CHCT1: variants seen among roughly 807,000 people sequenced by gnomAD.
CHCT1 encodes the protein CHD1 helical C-terminal domain containing protein 1.
At chr17:60,421,236 C>T in the CHCT1 span, 9 of 473,228 alleles carry the variant, frequency 1.9e-5, no homozygotes, top group East Asian at 3.1e-4. Context: ...AAGGTTTATT[C>T]CTCCCCTTAC....
the CHCT1 span, among the ~76,000 whole-genome samples, chr17:60,430,677 C>A: frequency 6.6e-6 from 1 of 152,198 alleles, no homozygotes; most frequent in African/African-American, 2.4e-5. Flanking sequence ...GATGGGGTTT[C>A]ACCATGTTGG....
At chr17:60,425,562 GA>G in the CHCT1 span, among the ~76,000 whole-genome samples, 12 of 152,192 alleles carry the variant, frequency 7.9e-5, no homozygotes, top group African/African-American at 2.7e-4. Flanking sequence ...AATATGCTGT[GA>G]TTATTATAAA....
the CHCT1 span, chr17:60,421,622 C>G: frequency 2.0e-6 from 2 of 977,876 alleles, no homozygotes. Context: ...TCGCCGGGAC[C>G]CCGCCGTGTG....
At chr17:60,427,927 G>A in the CHCT1 span, among the ~76,000 whole-genome samples, 1 of 151,984 alleles carries the variant, frequency 6.6e-6, no homozygotes, top group East Asian at 1.9e-4. Context: ...ATATCGTCGG[G>A]ATCATACAAT....
the CHCT1 span, chr17:60,429,605 G>A: frequency 4.6e-5 from 73 of 1,578,514 alleles, no homozygotes; most frequent in African/African-American, 4.3e-4. Flanking sequence ...AGGAGTTTGT[G>A]AGTGGTGTCT....
At chr17:60,424,428 G>T in the CHCT1 span, among the ~76,000 whole-genome samples, 1 of 152,142 alleles carries the variant, frequency 6.6e-6, no homozygotes, top group Non-Finnish European at 1.5e-5. Context: ...TGTAACTAGG[G>T]TTAATGATAT....
At chr17:60,424,798 G>T in the CHCT1 span, among the ~76,000 whole-genome samples, 1 of 150,828 alleles carries the variant, frequency 6.6e-6, no homozygotes, top group African/African-American at 2.4e-5. Context: ...GCTTGAACCC[G>T]GGAGGCCAAG....
the CHCT1 span, among the ~76,000 whole-genome samples, chr17:60,430,575 G>A: frequency 5.3e-5 from 8 of 152,302 alleles, no homozygotes; most frequent in African/African-American, 9.6e-5. Context: ...CAGCCTCCCC[G>A]GTTCAAGTGA....
chr17:60,421,740 C>T, the CHCT1 span: 1 of 809,388 alleles, frequency 1.2e-6, no homozygotes. Flanking sequence ...CACCCGGACT[C>T]TGCCCACCGC....
At chr17:60,431,049 A>G in the CHCT1 span, 2 of 625,048 alleles carry the variant, frequency 3.2e-6, no homozygotes, top group Non-Finnish European at 5.6e-6. Flanking sequence ...AAACTAAGTG[A>G]TATAGGTGGG....
At chr17:60,422,489 A>C in the CHCT1 span, 4 of 1,535,534 alleles carry the variant, frequency 2.6e-6, no homozygotes, top group Non-Finnish European at 3.5e-6. Flanking sequence ...TTCTGGAGCC[A>C]AACCGCCCAC....
the CHCT1 span, chr17:60,421,803 G>A: frequency 1.0e-6 from 1 of 962,908 alleles, no homozygotes; most frequent in Non-Finnish European, 1.2e-6. Context: ...GGAAGAGTCG[G>A]GGTGGCGGGA....
chr17:60,421,259 G>GACA, the CHCT1 span: 2 of 690,446 alleles, frequency 2.9e-6, no homozygotes, highest in South Asian at 1.3e-4. Flanking sequence ...CAACAACAAC[G>GACA]ACAACAATAA....
At chr17:60,422,687 G>A in the CHCT1 span, 143 of 1,509,408 alleles carry the variant, frequency 9.5e-5, no homozygotes, top group Middle Eastern at 1.7e-4. Context: ...GGTCCCGGAG[G>A]GGCTGGTTTT....
At chr17:60,430,033 C>T in the CHCT1 span, among the ~76,000 whole-genome samples, 1 of 151,468 alleles carries the variant, frequency 6.6e-6, no homozygotes, top group African/African-American at 2.4e-5. Context: ...CGGTGTTGCC[C>T]AAGCTGGTCT....
chr17:60,421,257 A>G, the CHCT1 span: 24 of 679,642 alleles, frequency 3.5e-5, no homozygotes, highest in Non-Finnish European at 4.2e-5. Context: ...AACAACAACA[A>G]CGACAACAAT....
the CHCT1 span, chr17:60,422,380 G>A: frequency 2.3e-6 from 3 of 1,298,470 alleles, no homozygotes; most frequent in Non-Finnish European, 2.1e-6. Context: ...CCAGATCCCA[G>A]CTGGAGGGGC....
the CHCT1 span, chr17:60,422,029 C>G: frequency 1.1e-6 from 1 of 875,398 alleles, no homozygotes; most frequent in Non-Finnish European, 1.4e-6. Context: ...GCACCCAGCA[C>G]CCAGCACGGA....
the CHCT1 span, chr17:60,431,279 G>A: frequency 5.7e-6 from 9 of 1,580,426 alleles, no homozygotes; most frequent in Non-Finnish European, 7.8e-6. Flanking sequence ...AGACCAACTG[G>A]GACAAAGGGC....
Sources: allele counts gnomAD v4.1 joint callset (sites outside exome capture counted in the v4.1 genomes callset), GRCh38; gene constraint gnomAD v4.1.1; transcripts MANE v1.5; gene names NCBI Gene and HGNC (gene_info 2026-07-23, HGNC 2026-07-21).